The following RARG variants were observed in gnomAD, a reference collection of about 807,000 sequenced individuals.
The protein encoded by RARG is retinoic acid receptor gamma, also known as RAR-gamma.
A neutral mutation model predicts 43.7 loss-of-function variants in RARG; 17 were observed. The observed-to-expected ratio is 0.39, with a 90% CI of 0.27 to 0.58. The LOEUF (loss-of-function observed/expected upper bound fraction) is 0.58. Among genes scored for constraint, RARG ranks in the 20% least tolerant of loss-of-function variants. The probability of loss-of-function intolerance (pLI) is 0.57; values close to 1 mark genes in which losing one functional copy is unlikely to be tolerated. For missense variants in RARG, 346 were observed against 598.7 expected (o/e 0.58, Z 4.40); for synonymous variants, 238 against 236.4 (o/e 1.01, Z -0.06).
rs772053174 is a variant in RARG at position 53,227,554 on chromosome 12, C to T, written c.-9G>A. The T allele has an allele frequency of 5.1e-6, 8 of 1,558,752 alleles. No homozygotes were observed. The East Asian group carries it at 7.0e-5, about 14-fold the overall frequency. On this transcript the variant is annotated 5_prime_UTR_variant, in exon 3 of 10. Coordinates refer to ENST00000425354, the MANE Select transcript of RARG (RefSeq NM_000966.6). The surrounding 1 kb of genome is among the most constrained non-coding windows in gnomAD (Gnocchi z 4.3). ...TCCTTATTGGTGGCCATGGCAGCTG[C>T]GGTGTGAGAGTCCCCTGGGGTCTGC...
At position 53,227,393 on chromosome 12, in the gene RARG, C is replaced by A; in HGVS notation, c.153G>T (p.Gln51His). ...AGGCCATCTCCTTGGGGAGGTCAGG[C>A]TGGCCCAGGCCCCGGAAGCTAGGGC... The part of the protein sequence containing the change: ...MLSPSFRGLG[Q>H]PDLPKEMASL... The change falls in exon 3 of 10, where the codon CAG (glutamine) becomes CAT (histidine). Residue 51 changes from glutamine (Q) to histidine (H), a missense_variant. Gln to His is a conservative substitution (Grantham distance 24, BLOSUM62 0). Transcript: ENST00000425354. The surrounding 1 kb of genome is among the most constrained non-coding windows in gnomAD (Gnocchi z 4.3). The A allele has an allele frequency of 6.3e-7, 1 of 1,596,468 alleles. No individual in the cohort carries two copies. The highest frequency in any genetic ancestry group is 8.5e-7 in the Non-Finnish European group (1 of 1,171,934).
At chr12:53,225,537 C>T (rs1002668439) in intron 3 of RARG, among the ~76,000 whole-genome samples, 5 of 152,228 alleles carry the variant, frequency 3.3e-5, no homozygotes, top group African/African-American at 4.8e-5. Flanking sequence ...CGTGCCCCCT[C>T]CTGGAAGCAG....
chr12:53,219,823 G>T, intron 3 of RARG: 1 of 880,900 alleles, frequency 1.1e-6, no homozygotes, highest in Non-Finnish European at 1.7e-6. Flanking sequence ...CGTTTAAAGG[G>T]CCAGTACCTT....
intron 1 of RARG, 93 bp downstream of exon 1, chr12:53,231,881 G>C: frequency 2.6e-6 from 1 of 392,130 alleles, no homozygotes; most frequent in Non-Finnish European, 4.5e-6. Context: ...GAGGGCATTC[G>C]CCCGTGCAGC....
intron 5 of RARG, 29 bp from the exon 6 acceptor site, chr12:53,214,635 C>A: frequency 6.3e-7 from 1 of 1,578,360 alleles, no homozygotes; most frequent in Non-Finnish European, 8.7e-7. Flanking sequence ...AGGAGAGGGT[C>A]AGGACCCTCA....
intron 2 of RARG, among the ~76,000 whole-genome samples, chr12:53,230,778 TGTGCCGGGGTGTGGGGGGGC>T (rs1214925329): frequency 9.6e-6 from 1 of 104,040 alleles, no homozygotes; most frequent in Non-Finnish European, 2.0e-5. Flanking sequence ...GGGGTGGGGG[TGTGCCGGGGTGTGGGGGGGC>T]GTGCCCCATG....
intron 6 of RARG, 36 bp downstream of exon 6, chr12:53,214,410 G>C (rs374371814): frequency 1.0e-5 from 16 of 1,597,294 alleles, no homozygotes; most frequent in Non-Finnish European, 1.4e-5. Context: ...AAAGTGAAGA[G>C]TGCCCTGCCC....
intron 3 of RARG, chr12:53,220,122 A>C: frequency 6.5e-7 from 1 of 1,550,090 alleles, no homozygotes; most frequent in South Asian, 1.2e-5. Flanking sequence ...TTGAAGGGAA[A>C]CTGGGTGCTG....
At position 53,213,412 on chromosome 12, in the gene RARG, C is replaced by T; in HGVS notation, c.1018+84G>A. 1 of 1,533,282 alleles carries T rather than the reference C, an allele frequency of 6.5e-7. No homozygotes were observed. The highest frequency in any genetic ancestry group is 8.9e-7 in the Non-Finnish European group (1 of 1,118,194). The allele number at this position is 1,533,282 out of a possible 1,614,324, so 95.0% of individuals were successfully genotyped here. A position where few individuals can be genotyped will look rare whatever the true frequency, so the allele number is the denominator to read the frequency against. On this transcript the variant is annotated intron_variant, in intron 8 of 9. Transcript: ENST00000425354. This position sits in a 1 kb window ranked among gnomAD's most constrained non-coding sequence, Gnocchi z 4.7. The stretch of plus-strand genomic sequence containing the variant: ...CAGCAGAAGAGACCACTGGGTCCTC[C>T]ACGCCCCCTCCCAGACAGATTCCGC...
Position 53,214,479 on chromosome 12 carries a change from G to A in RARG, c.603C>T (p.Phe201=), listed in dbSNP as rs939622535. 1.9e-6 allele frequency: 3 copies of A among 1,613,598 alleles called. No individual in the cohort carries two copies. The African/African-American group carries it at 4.0e-5, about 22-fold the overall frequency. Residue 201 remains phenylalanine (F), a synonymous_variant, in exon 6 of 10, where the codon TTC becomes TTT. Coordinates refer to ENST00000425354, the MANE Select transcript of RARG (RefSeq NM_000966.6). ...ACTTGCCCAGCTGGCAGAGCGAGGG[G>A]AAAGTCTCCTGATGGGCTTTGCTGA... ...TKVSKAHQET[F]PSLCQLGKYT... is the part of the protein sequence containing the mutation.
chr12:53,214,700 C>T, intron 5 of RARG, 94 bp from the exon 6 acceptor site: 1 of 1,253,196 alleles, frequency 8.0e-7, no homozygotes, highest in South Asian at 1.5e-5. Flanking sequence ...CAGTCCTTAT[C>T]ATGAATATCT....
At chr12:53,214,945 G>GT (rs954117348) in intron 5 of RARG, 1 of 398,104 alleles carries the variant, frequency 2.5e-6, no homozygotes, top group Admixed American at 4.1e-5. Context: ...GGCGAGGGGG[G>GT]GGTGGAGAGG....
At chr12:53,216,456 A>G (rs1041252433) in intron 3 of RARG, among the ~76,000 whole-genome samples, 1 of 152,058 alleles carries the variant, frequency 6.6e-6, no homozygotes, top group African/African-American at 2.4e-5. Context: ...GTCTCAGGGG[A>G]GTGAGTGAGA....
At chr12:53,221,994 G>A (rs1942979118) in intron 3 of RARG, among the ~76,000 whole-genome samples, 1 of 150,710 alleles carries the variant, frequency 6.6e-6, no homozygotes, top group South Asian at 2.1e-4. Context: ...GCCAGAGTAG[G>A]CGAGGGATGG....
At position 53,213,205 on chromosome 12, in the gene RARG, G is replaced by T. The variant is rs1312605781; in HGVS notation, c.1057C>A (p.Leu353Met). 3 of 1,605,248 alleles carry T rather than the reference G, an allele frequency of 1.9e-6. No individual in the cohort carries two copies. The highest frequency in any genetic ancestry group is 2.6e-6 in the Non-Finnish European group (3 of 1,171,948). ...DLEEPEKVDKLQEPLLEALRL... is the reference protein window; with the variant it reads ...DLEEPEKVDKMQEPLLEALRL... ...AGGGCTTCCAGCAGTGGCTCCTGCAGCTTGTCCACTTTTTCGGGCTCCTCC... is the reference window on the plus strand; with the variant it reads ...AGGGCTTCCAGCAGTGGCTCCTGCATCTTGTCCACTTTTTCGGGCTCCTCC... Residue 353 changes from leucine (L) to methionine (M), a missense_variant, in exon 9 of 10, where the codon CTG becomes ATG. Physicochemically the swap from Leu to Met is conservative, Grantham distance 15 (BLOSUM62 2). Coordinates refer to ENST00000425354, the MANE Select transcript of RARG (RefSeq NM_000966.6). This position sits in a 1 kb window ranked among gnomAD's most constrained non-coding sequence, Gnocchi z 4.7.
chr12:53,227,007 A>G lies in RARG; in HGVS notation c.184+355T>C, dbSNP rs1247444387. On this transcript the variant is annotated intron_variant, in intron 3 of 9. Coordinates refer to ENST00000425354, the MANE Select transcript of RARG (RefSeq NM_000966.6). This position sits in a 1 kb window ranked among gnomAD's most constrained non-coding sequence, Gnocchi z 4.3. ...CTCCAACTCCCCACTGCAAGCAAGC[A>G]GCAGATTCACGCTGCACCAGACCCA... Among the ~76,000 whole-genome samples the G allele has an allele frequency of 3.3e-5, 5 of 152,122 alleles. No individual in the cohort carries two copies. Among genetic ancestry groups the G allele is most frequent in the Non-Finnish European group, 7.4e-5 (5 of 68,006 alleles).
At chr12:53,220,081 G>A (rs1378434352) in intron 3 of RARG, 2 of 1,549,866 alleles carry the variant, frequency 1.3e-6, no homozygotes, top group South Asian at 2.4e-5. Flanking sequence ...CGGGGCAAAC[G>A]TTTCCATACA....
intron 3 of RARG, among the ~76,000 whole-genome samples, chr12:53,218,730 AG>A (rs1405170351): frequency 6.6e-6 from 1 of 151,338 alleles, no homozygotes; most frequent in Non-Finnish European, 1.5e-5. Context: ...CTTGGTGCCA[AG>A]GAGCGAGGCG....
At chr12:53,212,492 G>C (rs1262425419) in intron 9 of RARG, among the ~76,000 whole-genome samples, 2 of 152,076 alleles carry the variant, frequency 1.3e-5, no homozygotes, top group Non-Finnish European at 2.9e-5. Context: ...GACTGCAGTG[G>C]CTATTCACAG....
Sources: allele counts gnomAD v4.1 joint callset (sites outside exome capture counted in the v4.1 genomes callset), GRCh38; gene constraint gnomAD v4.1.1; non-coding constraint Gnocchi (gnomAD v3.1); transcripts MANE v1.5; gene names NCBI Gene and HGNC (gene_info 2026-07-23, HGNC 2026-07-21).